The following MYLK4 variants were observed in gnomAD, a reference collection of about 807,000 sequenced individuals.
MYLK4 encodes the protein caMLCK like.
In MYLK4, 46 loss-of-function variants were observed where a neutral mutation model predicts 48.1. That is an observed-to-expected ratio of 0.96 (90% CI 0.75 to 1.22). The LOEUF (loss-of-function observed/expected upper bound fraction) is 1.22. Among genes scored for constraint, MYLK4 ranks in the 50% most tolerant of loss-of-function variants. The pLI is 0.00. For missense variants in MYLK4, 451 were observed against 486.1 expected, an observed-to-expected ratio of 0.93 and a Z score of 0.68; for synonymous variants, 170 against 180.8, an observed-to-expected ratio of 0.94 and a Z score of 0.48.
chr6:2,672,127 CTG>C lies in MYLK4; in HGVS notation c.1120-781_1120-780del, dbSNP rs1254326156. On this transcript the variant is annotated intron_variant, in intron 11 of 12. Transcript: ENST00000274643. The surrounding 1 kb of genome is among the most constrained non-coding windows in gnomAD (Gnocchi z 4.3). ...GAGGGCATGAGCCGAGGTCACAACA[CTG>C]AGAATGGGAAGGAAGGGTCAGAGGC... Among the ~76,000 whole-genome samples the C allele has an allele frequency of 6.6e-6, 1 of 152,168 alleles. No individual in the cohort carries two copies. The highest frequency in any genetic ancestry group is 2.4e-5 in the African/African-American group (1 of 41,440).
rs1301182254 is a variant in MYLK4, at chr6:2,671,274, ACC to A, written c.*25_*25+1del. The A allele has an allele frequency of 6.2e-7, 1 of 1,610,118 alleles. No individual in the cohort carries two copies. The highest frequency in any genetic ancestry group is 8.5e-7 in the Non-Finnish European group (1 of 1,176,908). On this transcript the variant is annotated splice_donor_variant and 3_prime_UTR_variant, in exon 12 of 13. Coordinates refer to ENST00000274643, the MANE Select transcript of MYLK4 (RefSeq NM_001012418.5). LOFTEE classifies it low-confidence loss of function (3UTR_SPLICE). ...CACCTCTTCAGGAGACCCAAGACTA[ACC>A]TTCCAAATGGCTGCCTCCTGTAGAC...
chr6:2,760,538 C>G, the MYLK4 span, among the ~76,000 whole-genome samples: 4 of 152,306 alleles, frequency 2.6e-5, no homozygotes, highest in African/African-American at 9.6e-5. Flanking sequence ...CCTTAGGGAG[C>G]CACTAGGAGT....
intron 11 of MYLK4, among the ~76,000 whole-genome samples, chr6:2,671,584 A>C (rs1760899277): frequency 6.6e-6 from 1 of 152,194 alleles, no homozygotes. Context: ...CTTCTCACTT[A>C]GAGTCAGGGC....
chr6:2,675,681 A>G (rs1395055613), intron 10 of MYLK4, among the ~76,000 whole-genome samples: 1 of 152,242 alleles, frequency 6.6e-6, no homozygotes, highest in Non-Finnish European at 1.5e-5. Flanking sequence ...AAGGTTTATA[A>G]GATTTTGGGA....
In MYLK4 at chr6:2,681,393, A is replaced by G. The variant is rs531484192; in HGVS notation, c.688-1102T>C. Among the ~76,000 whole-genome samples, 3 of 152,350 alleles carry G rather than the reference A, an allele frequency of 2.0e-5. No homozygotes were observed. In the South Asian group the frequency reaches 6.2e-4, roughly 32 times the overall value. On this transcript the variant is annotated intron_variant, in intron 7 of 12. Coordinates refer to ENST00000274643, the MANE Select transcript of MYLK4 (RefSeq NM_001012418.5). ...ACTATCTCTAAAACAGATGTTTGTG[A>G]GTAAAAGTCATTATAGAGAAGGGGG...
chr6:2,718,158 C>T (rs377599956), intron 2 of MYLK4, among the ~76,000 whole-genome samples: 3 of 140,490 alleles, frequency 2.1e-5, no homozygotes, highest in East Asian at 4.4e-4. Context: ...CCAGTCTGGT[C>T]AACAGAGTGA....
chr6:2,727,254 A>T (rs929158171), intron 2 of MYLK4, among the ~76,000 whole-genome samples: 1 of 152,214 alleles, frequency 6.6e-6, no homozygotes. Flanking sequence ...TCAGCCTTCA[A>T]CATAAAAACC....
chr6:2,678,770 G>C (rs1344501117), intron 9 of MYLK4, among the ~76,000 whole-genome samples: 1 of 150,448 alleles, frequency 6.6e-6, no homozygotes, highest in African/African-American at 2.5e-5. Flanking sequence ...GAGTGCAGTG[G>C]CGTGATCTCG....
At chr6:2,759,822 T>G in the MYLK4 span, among the ~76,000 whole-genome samples, 1 of 152,214 alleles carries the variant, frequency 6.6e-6, no homozygotes, top group Non-Finnish European at 1.5e-5. Flanking sequence ...TTACTAGAGA[T>G]TTTTAAAAAT....
At chr6:2,730,503 C>T (rs948582340) in intron 2 of MYLK4, among the ~76,000 whole-genome samples, 2 of 152,060 alleles carry the variant, frequency 1.3e-5, no homozygotes, top group Non-Finnish European at 2.9e-5. Context: ...ACTTAACAGG[C>T]GAATTTCCAG....
intron 2 of MYLK4, among the ~76,000 whole-genome samples, chr6:2,737,112 A>T (rs1763707753): frequency 6.6e-6 from 1 of 152,238 alleles, no homozygotes; most frequent in African/African-American, 2.4e-5. Flanking sequence ...CAAGAGATCG[A>T]GACCATCCTG....
At chr6:2,740,459 A>G (rs554854149) in intron 2 of MYLK4, among the ~76,000 whole-genome samples, 27 of 152,304 alleles carry the variant, frequency 1.8e-4, no homozygotes, top group African/African-American at 5.8e-4. Flanking sequence ...AAGACCCCCG[A>G]TGGTGGAGAT....
rs1181595465 is a variant in MYLK4 at position 2,685,693 on chromosome 6, T to C, written c.342-117A>G. ...TCTGGATGAGCAGCCCTCTGAGGAG[T>C]TCTTTCAGTAAACTTCTAGAGCAGT... On this transcript the variant is annotated intron_variant, in intron 4 of 12. Coordinates refer to ENST00000274643, the MANE Select transcript of MYLK4 (RefSeq NM_001012418.5). This position sits in a 1 kb window ranked among gnomAD's most constrained non-coding sequence, Gnocchi z 4.5. 8.7e-6 allele frequency: 7 copies of C among 804,980 alleles called. No individual in the cohort carries two copies. In the East Asian group the frequency reaches 1.8e-4, roughly 20 times the overall value. 49.9% of individuals were successfully genotyped at this position (804,980 alleles called of 1,614,324 possible).
chr6:2,668,229 G>C (rs1005088228), intron 12 of MYLK4, among the ~76,000 whole-genome samples: 4 of 152,130 alleles, frequency 2.6e-5, no homozygotes, highest in African/African-American at 9.7e-5. Context: ...AGGCCTCTTT[G>C]TTTCGTCTGA....
At chr6:2,763,786 G>A in the MYLK4 span, among the ~76,000 whole-genome samples, 2 of 152,186 alleles carry the variant, frequency 1.3e-5, no homozygotes, top group Non-Finnish European at 2.9e-5. Context: ...GAGGCGCTGA[G>A]AGCGAGCGAG....
intron 2 of MYLK4, among the ~76,000 whole-genome samples, chr6:2,728,123 G>C (rs7765402): frequency 1.3e-5 from 2 of 151,816 alleles, no homozygotes; most frequent in African/African-American, 4.8e-5. Context: ...TGAGGCAGTA[G>C]GTAGCAGAGC....
intron 2 of MYLK4, among the ~76,000 whole-genome samples, chr6:2,728,892 G>A (rs964939194): frequency 3.3e-5 from 5 of 152,208 alleles, no homozygotes; most frequent in African/African-American, 1.2e-4. Context: ...AAAGAGAGCT[G>A]AGAATCTCCA....
intron 2 of MYLK4, among the ~76,000 whole-genome samples, chr6:2,733,081 T>C (rs777658628): frequency 6.6e-6 from 1 of 152,236 alleles, no homozygotes; most frequent in Non-Finnish European, 1.5e-5. Flanking sequence ...TCAGCTCTTC[T>C]TTAAACTGTC....
intron 2 of MYLK4, among the ~76,000 whole-genome samples, chr6:2,711,015 T>C (rs1762651808): frequency 6.6e-6 from 1 of 152,366 alleles, no homozygotes; most frequent in Non-Finnish European, 1.5e-5. Flanking sequence ...AGTGTTTTCC[T>C]GAGTGGGAGA....
Sources: allele counts gnomAD v4.1 joint callset (sites outside exome capture counted in the v4.1 genomes callset), GRCh38; gene constraint gnomAD v4.1.1; non-coding constraint Gnocchi (gnomAD v3.1); transcripts MANE v1.5; gene names NCBI Gene and HGNC (gene_info 2026-07-23, HGNC 2026-07-21).